Variants in HLX observed in about 807,000 individuals in gnomAD.
The protein encoded by HLX is H2.0-like homeobox protein.
HLX carries 6 observed loss-of-function variants against 27.7 expected under a neutral mutation model. The observed-to-expected ratio is 0.22, with a 90% CI of 0.12 to 0.43. The LOEUF is 0.43. HLX is among the 20% of genes least tolerant of loss of function. The pLI, the probability that HLX is intolerant of heterozygous loss-of-function variation, is 1.00. For missense variants in HLX, 666 were observed against 655.2 expected, an observed-to-expected ratio of 1.02 and a Z score of -0.18; for synonymous variants, 328 against 293.8, an observed-to-expected ratio of 1.12 and a Z score of -1.19.
rs1402059772 is a variant in HLX, at chr1:220,884,196, T to C, written c.959T>C (p.Val320Ala). The change falls in exon 4 of 4, where the codon GTG becomes GCG. Residue 320 changes from valine to alanine, a missense_variant and splice_region_variant. Physicochemically the swap from Val to Ala is moderately conservative, Grantham distance 64 (BLOSUM62 0). Transcript: ENST00000366903. This position sits in a 1 kb window ranked among gnomAD's most constrained non-coding sequence, Gnocchi z 4.9. ...GTCTCCCGGTGTGGCGCGGCGCAGG[T>C]GAAGGTGTGGTTCCAGAACCGGCGG... ...AAMLGLTDAQVKVWFQNRRMK... is the reference protein window; with the variant it reads ...AAMLGLTDAQAKVWFQNRRMK... The C allele has an allele frequency of 6.2e-7, 1 of 1,612,864 alleles. No homozygotes were observed. The highest frequency in any genetic ancestry group is 8.5e-7 in the Non-Finnish European group (1 of 1,179,678).
In HLX at chr1:220,884,483, A is replaced by G; in HGVS notation, c.1246A>G (p.Ile416Val). 1 of 1,614,078 alleles carries G rather than the reference A, an allele frequency of 6.2e-7. No individual in the cohort carries two copies. The highest frequency in any genetic ancestry group is 8.5e-7 in the Non-Finnish European group (1 of 1,179,978). Residue 416 changes from isoleucine to valine, a missense_variant, in exon 4 of 4, where the codon ATT becomes GTT. Ile to Val is a conservative substitution (Grantham distance 29). Coordinates refer to ENST00000366903, the MANE Select transcript of HLX (RefSeq NM_021958.4). This position sits in a 1 kb window ranked among gnomAD's most constrained non-coding sequence, Gnocchi z 4.9. The stretch of plus-strand genomic sequence containing the variant: ...TAAGGCCCCGGTCACTGGCGCCCTC[A>G]TTACCGCCAGCAGTGCTGGGAGTGG... ...VIKAPVTGAL[I>V]TASSAGSGGS...
chr1:220,884,846 C>T lies in HLX; in HGVS notation c.*142C>T. On this transcript the variant is annotated 3_prime_UTR_variant, in exon 4 of 4. Coordinates refer to ENST00000366903, the MANE Select transcript of HLX (RefSeq NM_021958.4). This position sits in a 1 kb window ranked among gnomAD's most constrained non-coding sequence, Gnocchi z 4.9. ...ACCTCCCGACATTCACGCTTCGCCC[C>T]ACGCTGCTCCGACTGGCTGCAGCGG... 1 of 1,339,764 alleles carries T rather than the reference C, an allele frequency of 7.5e-7. No individual in the cohort carries two copies. Among genetic ancestry groups the T allele is most frequent in the Non-Finnish European group, 1.0e-6 (1 of 997,572 alleles). 83.0% of individuals were successfully genotyped at this position (1,339,764 alleles called of 1,614,324 possible). A position where few individuals can be genotyped will look rare whatever the true frequency, so the allele number is the denominator to read the frequency against.
At position 220,884,414 on chromosome 1, in the gene HLX, C is replaced by T. The variant is rs1406405125; in HGVS notation, c.1177C>T (p.Arg393Trp). 2 of 1,614,110 alleles carry T rather than the reference C, an allele frequency of 1.2e-6. No homozygotes were observed. The highest frequency in any genetic ancestry group is 3.3e-5 in the Admixed American group (2 of 60,020). Residue 393 changes from arginine to tryptophan, a missense_variant, in exon 4 of 4, where the codon CGG (arginine) becomes TGG (tryptophan). Transcript: ENST00000366903. This position sits in a 1 kb window ranked among gnomAD's most constrained non-coding sequence, Gnocchi z 4.9. ...SLDMAPSDTERTEGSERSLHQ... is the reference protein window; with the variant it reads ...SLDMAPSDTEWTEGSERSLHQ... ...GGACATGGCCCCCAGCGACACGGAGCGGACTGAGGGGAGTGAGCGTTCTCT... is the reference window on the plus strand; with the variant it reads ...GGACATGGCCCCCAGCGACACGGAGTGGACTGAGGGGAGTGAGCGTTCTCT...
At position 220,880,363 on chromosome 1, in the gene HLX, C is replaced by T. The variant is rs1674400050; in HGVS notation, c.506C>T (p.Pro169Leu). ...CACCACAGTGGCTCTGCCCCGGCCC[C>T]CTCCAGCAAAGACCTCAAATTTGGA... ...NPHHSGSAPA[P>L]SSKDLKFGID... The change falls in exon 1 of 4, where the codon CCC becomes CTC. Residue 169 changes from proline (P) to leucine (L), a missense_variant. Pro to Leu is a moderately conservative substitution (Grantham distance 98). Transcript: ENST00000366903. The T allele has an allele frequency of 1.9e-6, 3 of 1,614,182 alleles. No individual in the cohort carries two copies. Among genetic ancestry groups the T allele is most frequent in the Non-Finnish European group, 2.5e-6 (3 of 1,180,018 alleles).
intron 1 of HLX, 194 bp downstream of exon 1, chr1:220,880,643 A>C: frequency 1.6e-6 from 1 of 624,666 alleles, no homozygotes. Flanking sequence ...ACAAACAAAA[A>C]ATGACTCCAG....
rs776935970 is a variant in HLX, at chr1:220,885,049, C to T, written c.*345C>T. On this transcript the variant is annotated 3_prime_UTR_variant, in exon 4 of 4. Coordinates refer to ENST00000366903, the MANE Select transcript of HLX (RefSeq NM_021958.4). ...AAATTTGTAAATAAAATGTTTACTACGGTTTGTAAAGGCCGCTTGGCTTTG... is the reference window on the plus strand; with the variant it reads ...AAATTTGTAAATAAAATGTTTACTATGGTTTGTAAAGGCCGCTTGGCTTTG... 15 of 319,180 alleles carry T rather than the reference C, an allele frequency of 4.7e-5. No homozygotes were observed. Among genetic ancestry groups the T allele is most frequent in the Admixed American group, 3.1e-4 (7 of 22,876 alleles). The allele number at this position is 319,180 out of a possible 1,614,324, so 19.8% of individuals were successfully genotyped here.
chr1:220,881,109 G>C (rs1337854603), intron 1 of HLX, 85 bp from the exon 2 acceptor site: 16 of 1,231,516 alleles, frequency 1.3e-5, no homozygotes, highest in African/African-American at 9.0e-5. Flanking sequence ...AGTGAATCCA[G>C]GGCAAGGGGA....
intron 1 of HLX, chr1:220,880,710 A>G: frequency 1.7e-6 from 1 of 574,738 alleles, no homozygotes; most frequent in Non-Finnish European, 3.1e-6. Context: ...TGGTGTAATT[A>G]TCTGCTAACA....
At chr1:220,882,519 G>T (rs1321441158) in intron 3 of HLX, 171 bp downstream of exon 3, 3 of 623,122 alleles carry the variant, frequency 4.8e-6, no homozygotes, top group Non-Finnish European at 8.5e-6. Context: ...AGAAGAGGAG[G>T]GTGGAGATGG....
In HLX at chr1:220,884,544, T is replaced by A; in HGVS notation, c.1307T>A (p.Phe436Tyr). 1 of 1,609,734 alleles carries A rather than the reference T, an allele frequency of 6.2e-7. No homozygotes were observed. Among genetic ancestry groups the A allele is most frequent in the Non-Finnish European group, 8.5e-7 (1 of 1,178,068 alleles). ...GGCGGCGGCGGCAATAGTTTCAGCT[T>A]CAGCAGCGCCAGCAGTCTTAGTAGC... Reference protein sequence around the residue: ...SSGGGGNSFSFSSASSLSSSS... With the variant: ...SSGGGGNSFSYSSASSLSSSS... Residue 436 changes from phenylalanine to tyrosine, a missense_variant, in exon 4 of 4, where the codon TTC (phenylalanine) becomes TAC (tyrosine). Coordinates refer to ENST00000366903, the MANE Select transcript of HLX (RefSeq NM_021958.4). This position sits in a 1 kb window ranked among gnomAD's most constrained non-coding sequence, Gnocchi z 4.9.
intron 1 of HLX, 132 bp from the exon 2 acceptor site, chr1:220,881,062 C>A: frequency 2.4e-6 from 2 of 819,690 alleles, no homozygotes; most frequent in East Asian, 4.9e-5. Context: ...GAGGTTTCAG[C>A]GCCTAGACGG....
At position 220,884,851 on chromosome 1, in the gene HLX, T is replaced by C; in HGVS notation, c.*147T>C. 2 of 1,306,682 alleles carry C rather than the reference T, an allele frequency of 1.5e-6. No individual in the cohort carries two copies. Among genetic ancestry groups the C allele is most frequent in the Admixed American group, 2.5e-5 (1 of 40,296 alleles). 80.9% of individuals were successfully genotyped at this position (1,306,682 alleles called of 1,614,324 possible). ...CCGACATTCACGCTTCGCCCCACGC[T>C]GCTCCGACTGGCTGCAGCGGACACT... On this transcript the variant is annotated 3_prime_UTR_variant, in exon 4 of 4. Transcript: ENST00000366903. The surrounding 1 kb of genome is among the most constrained non-coding windows in gnomAD (Gnocchi z 4.9).
intron 1 of HLX, 175 bp downstream of exon 1, chr1:220,880,624 C>T (rs1202900704): frequency 1.5e-6 from 1 of 661,372 alleles, no homozygotes; most frequent in Non-Finnish European, 2.6e-6. Flanking sequence ...CTCACCTGTT[C>T]TATGTAAAAC....
rs547664611 is a variant in HLX at position 220,884,340 on chromosome 1, G to A, written c.1103G>A (p.Ser368Asn). 2 of 1,614,054 alleles carry A rather than the reference G, an allele frequency of 1.2e-6. No homozygotes were observed. Among genetic ancestry groups the A allele is most frequent in the Admixed American group, 1.7e-5 (1 of 60,014 alleles). Residue 368 changes from serine to asparagine, a missense_variant, in exon 4 of 4, where the codon AGC becomes AAC. Coordinates refer to ENST00000366903, the MANE Select transcript of HLX (RefSeq NM_021958.4). This position sits in a 1 kb window ranked among gnomAD's most constrained non-coding sequence, Gnocchi z 4.9. Reference sequence around the variant, plus strand: ...GGCGAGCAGGACGAGAGGAGCCCCAGCCGTTCTGAAGGCGAGGCTGAGAGC... The same window carrying A: ...GGCGAGCAGGACGAGAGGAGCCCCAACCGTTCTGAAGGCGAGGCTGAGAGC... ...ADGEQDERSPSRSEGEAESES... is the reference protein window; with the variant it reads ...ADGEQDERSPNRSEGEAESES...
chr1:220,882,402 G>A (rs1558116275), intron 3 of HLX, 54 bp downstream of exon 3: 23 of 1,546,618 alleles, frequency 1.5e-5, no homozygotes, highest in Non-Finnish European at 2.0e-5. Flanking sequence ...AGCAGCGCAC[G>A]GCCTAGTCTG....
chr1:220,881,053 A>G, intron 1 of HLX, 141 bp from the exon 2 acceptor site: 1 of 759,530 alleles, frequency 1.3e-6, no homozygotes, highest in Non-Finnish European at 2.2e-6. Flanking sequence ...TGGGAGAGAG[A>G]GGTTTCAGCG....
In HLX at chr1:220,884,990, A is replaced by G. The variant is rs539729589; in HGVS notation, c.*286A>G. ...CTAAACTGTTTCTCTGACTCGCCCC[A>G]GAGGTCGTGGCTCAAAGGCACTTAG... On this transcript the variant is annotated 3_prime_UTR_variant, in exon 4 of 4. Transcript: ENST00000366903. The surrounding 1 kb of genome is among the most constrained non-coding windows in gnomAD (Gnocchi z 4.9). The G allele has an allele frequency of 7.7e-6, 4 of 517,820 alleles. No individual in the cohort carries two copies. Among genetic ancestry groups the G allele is most frequent in the Non-Finnish European group, 1.4e-5 (4 of 290,452 alleles). 32.1% of individuals were successfully genotyped at this position (517,820 alleles called of 1,614,324 possible).
Position 220,879,472 on chromosome 1 carries a change from C to G in HLX, c.-386C>G. On this transcript the variant is annotated 5_prime_UTR_variant, in exon 1 of 4. Coordinates refer to ENST00000366903, the MANE Select transcript of HLX (RefSeq NM_021958.4). ...CTTTTCCCCCCCCCTAACTAACGGA[C>G]TATTATTGTTGTTGTTTTAAATTTA... 5.1e-6 allele frequency: 1 copy of G among 195,976 alleles called. No individual in the cohort carries two copies. The highest frequency in any genetic ancestry group is 1.0e-5 in the Non-Finnish European group (1 of 97,976). The allele number at this position is 195,976 out of a possible 1,614,324, so 12.1% of individuals were successfully genotyped here.
rs986733525 is a variant in HLX at position 220,881,566 on chromosome 1, G to T, written c.772+193G>T. 1.7e-5 allele frequency: 11 copies of T among 640,534 alleles called. No homozygotes were observed. In the African/African-American group the frequency reaches 2.0e-4, roughly 12 times the overall value. The allele number at this position is 640,534 out of a possible 1,614,324, so 39.7% of individuals were successfully genotyped here. A position where few individuals can be genotyped will look rare whatever the true frequency, so the allele number is the denominator to read the frequency against. ...GCTTCGGATGGTTCCCCTTGAAAAG[G>T]GGTAGAGGCGCCTGGAGATCCCAGA... is the stretch of plus-strand genomic sequence containing the variant. On this transcript the variant is annotated intron_variant, in intron 2 of 3. Coordinates refer to ENST00000366903, the MANE Select transcript of HLX (RefSeq NM_021958.4).
Sources: gnomAD v4.1 joint callset for allele counts on GRCh38, gnomAD v4.1.1 for gene constraint, Gnocchi (gnomAD v3.1) non-coding constraint, MANE v1.5 for transcripts, NCBI Gene and HGNC (gene_info 2026-07-23, HGNC 2026-07-21) for gene names.